The following BNIP1 variants were observed in gnomAD, a reference collection of about 807,000 sequenced individuals.
BNIP1 encodes the protein vesicle transport protein SEC20.
In BNIP1, 25 loss-of-function variants were observed where a neutral mutation model predicts 28.5. The observed-to-expected ratio is 0.88, with a 90% CI of 0.64 to 1.23. The LOEUF (loss-of-function observed/expected upper bound fraction) is 1.23, where lower values mean the gene tolerates loss of function less well. Ranked by LOEUF, BNIP1 falls within the 50% of genes most tolerant of loss-of-function variation. BNIP1 has a pLI of 0.00. For synonymous variants in BNIP1, 118 were observed against 101.7 expected, an observed-to-expected ratio of 1.16 and a Z score of -0.96; for missense variants, 276 against 277.0, an observed-to-expected ratio of 1.00 and a Z score of 0.02.
chr5:173,153,520 C>T (rs1466711718), intron 2 of BNIP1, among the ~76,000 whole-genome samples: 1 of 152,162 alleles, frequency 6.6e-6, no homozygotes. Context: ...AGCCACTGCG[C>T]CCGGCCGAGA....
At chr5:173,144,854 C>A (rs561652013) in intron 1 of BNIP1, 25 of 518,806 alleles carry the variant, frequency 4.8e-5, no homozygotes, top group Middle Eastern at 5.1e-4. Flanking sequence ...CCCAGAGCAC[C>A]CCACTGTTCT....
chr5:173,146,287 G>T (rs758211839), intron 1 of BNIP1, among the ~76,000 whole-genome samples: 2 of 152,206 alleles, frequency 1.3e-5, no homozygotes, highest in Non-Finnish European at 1.5e-5. Flanking sequence ...CTACAGCCAG[G>T]ATTCGAATCC....
Position 173,146,884 on chromosome 5 carries a change from G to A in BNIP1, c.103G>A (p.Gly35Arg). The A allele has an allele frequency of 6.2e-7, 1 of 1,613,812 alleles. No individual in the cohort carries two copies. The highest frequency in any genetic ancestry group is 1.1e-5 in the South Asian group (1 of 91,064). ...ALIQDIRDCS[G>R]PLSALTELNT... is the part of the protein sequence containing the mutation. ...CTCCTAGGATATCCGTGATTGTTCA[G>A]GACCCTTAAGTGCTCTTACTGAACT... The change falls in exon 2 of 6, where the codon GGA becomes AGA. Residue 35 changes from glycine to arginine, a missense_variant. Physicochemically the swap from Gly to Arg is moderately radical, Grantham distance 125 (BLOSUM62 -2). Coordinates refer to ENST00000351486, the MANE Select transcript of BNIP1 (RefSeq NM_001205.3).
At chr5:173,144,793 C>T (rs1759783256) in intron 1 of BNIP1, among the ~76,000 whole-genome samples, 164 bp downstream of exon 1, 1 of 152,198 alleles carries the variant, frequency 6.6e-6, no homozygotes, top group South Asian at 2.1e-4. Flanking sequence ...GGTTGTGTCC[C>T]GGTGACTGCT....
In BNIP1 at chr5:173,155,338, TG is replaced by T. The variant is rs1292288340; in HGVS notation, c.269+926del. ...TATCTTTCCCTTCACATTTGACTTT[TG>T]TACCAATCATAAAGAGGGTTTTTCC... On this transcript the variant is annotated intron_variant, in intron 3 of 5. Transcript: ENST00000351486. Among the ~76,000 whole-genome samples, 3 of 152,360 alleles carry T rather than the reference TG, an allele frequency of 2.0e-5. No homozygotes were observed. The East Asian group carries it at 5.8e-4, about 29-fold the overall frequency.
intron 1 of BNIP1, among the ~76,000 whole-genome samples, chr5:173,146,646 T>C (rs780751318): frequency 3.3e-4 from 50 of 152,240 alleles, no homozygotes; most frequent in Non-Finnish European, 6.2e-4. Flanking sequence ...TGTTTCTTTC[T>C]AGGCTTTTAT....
chr5:173,151,829 C>T lies in BNIP1; in HGVS notation c.178-2493C>T. ...GCACCTAGGAAGGACCTAATAAGCACATGGCCAGTAAATGAATAACCCCAT... is the reference window on the plus strand; with the variant it reads ...GCACCTAGGAAGGACCTAATAAGCATATGGCCAGTAAATGAATAACCCCAT... On this transcript the variant is annotated intron_variant, in intron 2 of 5. Coordinates refer to ENST00000351486, the MANE Select transcript of BNIP1 (RefSeq NM_001205.3). The T allele has an allele frequency of 2.3e-6, 3 of 1,311,110 alleles. No homozygotes were observed. The South Asian group carries it at 5.2e-5, about 23-fold the overall frequency. The allele number at this position is 1,311,110 out of a possible 1,614,324, so 81.2% of individuals were successfully genotyped here.
chr5:173,150,837 T>C (rs905658309), intron 2 of BNIP1, among the ~76,000 whole-genome samples: 12 of 152,036 alleles, frequency 7.9e-5, no homozygotes, highest in African/African-American at 2.9e-4. Flanking sequence ...TTTATACTTT[T>C]GTTTTTTTGT....
At chr5:173,150,600 T>A (rs1759988035) in intron 2 of BNIP1, among the ~76,000 whole-genome samples, 1 of 152,188 alleles carries the variant, frequency 6.6e-6, no homozygotes, top group Admixed American at 6.6e-5. Context: ...TTACATGTTT[T>A]ATGTATGTGT....
chr5:173,149,002 G>T (rs1278155198), intron 2 of BNIP1, among the ~76,000 whole-genome samples: 3 of 152,074 alleles, frequency 2.0e-5, no homozygotes, highest in Admixed American at 1.3e-4. Context: ...TGTTGGGTTG[G>T]CAGAGAACTA....
At position 173,159,981 on chromosome 5, in the gene BNIP1, G is replaced by C. The variant is rs1287090858; in HGVS notation, c.420G>C (p.Glu140Asp). Residue 140 changes from glutamate to aspartate, a missense_variant, in exon 5 of 6, where the codon GAG becomes GAC. Glu to Asp is a conservative substitution (Grantham distance 45, BLOSUM62 2). Transcript: ENST00000351486. The part of the protein sequence containing the change: ...SLAQTSSTIT[E>D]SLMGISRMMA... ...CCCAGACATCCAGTACCATCACTGA[G>C]AGCCTCATGGGGATCAGCAGGATGA... 1 of 1,614,162 alleles carries C rather than the reference G, an allele frequency of 6.2e-7. No individual in the cohort carries two copies. Among genetic ancestry groups the C allele is most frequent in the African/African-American group, 1.3e-5 (1 of 75,048 alleles).
intron 2 of BNIP1, 97 bp downstream of exon 2, chr5:173,147,055 G>A: frequency 1.1e-6 from 1 of 914,090 alleles, no homozygotes; most frequent in Non-Finnish European, 1.8e-6. Flanking sequence ...GCTGATGGGA[G>A]CAGTAAACAC....
At chr5:173,157,957 T>C (rs1340798014) in intron 3 of BNIP1, among the ~76,000 whole-genome samples, 1 of 150,642 alleles carries the variant, frequency 6.6e-6, no homozygotes, top group Non-Finnish European at 1.5e-5. Flanking sequence ...GAGAAGGTCT[T>C]ACTCTGTCAC....
At chr5:173,157,800 G>A (rs529671169) in intron 3 of BNIP1, among the ~76,000 whole-genome samples, 9 of 152,258 alleles carry the variant, frequency 5.9e-5, no homozygotes, top group East Asian at 3.9e-4. Flanking sequence ...CTGTAGATCC[G>A]CCGTGTCAGT....
chr5:173,153,078 A>G (rs1364615614), intron 2 of BNIP1, among the ~76,000 whole-genome samples: 1 of 151,638 alleles, frequency 6.6e-6, no homozygotes, highest in Non-Finnish European at 1.5e-5. Flanking sequence ...ATAGTGGGTT[A>G]TTTCCTTGGT....
chr5:173,149,844 T>G lies in BNIP1; in HGVS notation c.177+2886T>G, dbSNP rs183977667. On this transcript the variant is annotated intron_variant, in intron 2 of 5. Coordinates refer to ENST00000351486, the MANE Select transcript of BNIP1 (RefSeq NM_001205.3). ...TAAGGGGATGACTTATGCCATTCAT[T>G]AGGGATCCACCCCCATGATCCAAAC... Among the ~76,000 whole-genome samples the G allele has an allele frequency of 1.0e-3, 158 of 152,098 alleles. 2 individuals carry two copies. The South Asian group carries it at 0.015, about 14-fold the overall frequency.
intron 3 of BNIP1, among the ~76,000 whole-genome samples, chr5:173,156,478 T>TAAA (rs572261030): frequency 3.5e-5 from 5 of 143,686 alleles, no homozygotes; most frequent in African/African-American, 1.3e-4. Flanking sequence ...CCTCATCTAT[T>TAAA]AAAAAAAAAA....
chr5:173,149,221 A>G (rs547084021), intron 2 of BNIP1, among the ~76,000 whole-genome samples: 91 of 152,336 alleles, frequency 6.0e-4, no homozygotes, highest in African/African-American at 2.1e-3. Flanking sequence ...TGATAAAGAC[A>G]TACGTGAGAC....
chr5:173,159,781 C>A, intron 4 of BNIP1, 152 bp from the exon 5 acceptor site: 1 of 715,600 alleles, frequency 1.4e-6, no homozygotes, highest in Non-Finnish European at 2.4e-6. Flanking sequence ...GGGCGTGGGT[C>A]TCAGCACACC....
Sources: gnomAD v4.1 joint callset for allele counts (sites outside exome capture counted in the v4.1 genomes callset) on GRCh38, gnomAD v4.1.1 for gene constraint, MANE v1.5 for transcripts, NCBI Gene and HGNC (gene_info 2026-07-23, HGNC 2026-07-21) for gene names.